The following MACROD2 variants were observed in gnomAD, a reference collection of about 807,000 sequenced individuals.
MACROD2 encodes mono-ADP ribosylhydrolase 2, also known as ADP-ribose glycohydrolase MACROD2.
In MACROD2, 36 loss-of-function variants were observed where a neutral mutation model predicts 70.4. The observed-to-expected ratio is 0.51, with a 90% confidence interval of 0.39 to 0.68. MACROD2 has a LOEUF of 0.68. MACROD2 is among the 30% of genes least tolerant of loss of function. MACROD2 has a pLI of 0.00. For synonymous variants in MACROD2, 172 were observed against 178.8 expected (o/e 0.96, Z 0.30); for missense variants, 496 against 538.4 (o/e 0.92, Z 0.78).
At chr20:14,532,465 C>T (rs1370730751) in intron 4 of MACROD2, among the ~76,000 whole-genome samples, 7 of 151,624 alleles carry the variant, frequency 4.6e-5, no homozygotes, top group African/African-American at 1.2e-4. Flanking sequence ...CCTCGTGATC[C>T]GCACGTCTCA....
intron 6 of MACROD2, among the ~76,000 whole-genome samples, chr20:15,272,407 G>T (rs900192520): frequency 1.3e-5 from 2 of 152,142 alleles, no homozygotes; most frequent in African/African-American, 4.8e-5. Context: ...TTTGTAAGAG[G>T]CTATTTCCTT....
chr20:14,136,802 T>G (rs982475679), intron 3 of MACROD2, among the ~76,000 whole-genome samples: 3 of 152,198 alleles, frequency 2.0e-5, no homozygotes, highest in African/African-American at 7.2e-5. Context: ...TTCTCTTCCC[T>G]TACACTATTT....
chr20:15,564,192 A>G (rs544266353), intron 8 of MACROD2, among the ~76,000 whole-genome samples: 1 of 152,328 alleles, frequency 6.6e-6, no homozygotes, highest in African/African-American at 2.4e-5. Flanking sequence ...TGGGGTAAGT[A>G]TATTAAAATC....
rs542367949 is a variant in MACROD2, at chr20:14,653,216, ATTT to A, written c.302-31609_302-31607del. Among the ~76,000 whole-genome samples the A allele has an allele frequency of 4.1e-3, 498 of 121,750 alleles. 6 individuals are homozygous for A. The highest frequency in any genetic ancestry group is 0.014 in the African/African-American group (458 of 31,740). The allele number at this position is 121,750 out of a possible 152,430, so 79.9% of individuals were successfully genotyped here. A position where few individuals can be genotyped will look rare whatever the true frequency, so the allele number is the denominator to read the frequency against. ...TAGGCATTCACCAACATGTACAGCA[ATTT>A]TTTTTTTTTTTTTTTTTGAGACGGA... On this transcript the variant is annotated intron_variant, in intron 4 of 17. Coordinates refer to ENST00000684519, the MANE Select transcript of MACROD2 (RefSeq NM_001351661.2).
At chr20:15,810,023 C>G (rs2063804741) in intron 8 of MACROD2, among the ~76,000 whole-genome samples, 1 of 132,066 alleles carries the variant, frequency 7.6e-6, no homozygotes, top group Admixed American at 7.9e-5. Context: ...CCTCCCCCCA[C>G]CCCACAACAG....
At chr20:14,798,929 G>A (rs943576506) in intron 5 of MACROD2, among the ~76,000 whole-genome samples, 4 of 151,516 alleles carry the variant, frequency 2.6e-5, no homozygotes, top group Non-Finnish European at 4.4e-5. Flanking sequence ...AATATAAATC[G>A]GGACAGATTT....
At chr20:14,858,829 T>C (rs538916898) in intron 5 of MACROD2, among the ~76,000 whole-genome samples, 5 of 152,134 alleles carry the variant, frequency 3.3e-5, no homozygotes, top group Non-Finnish European at 7.3e-5. Context: ...CATCTGTCTG[T>C]AAAATGGTGA....
intron 12 of MACROD2, among the ~76,000 whole-genome samples, chr20:15,949,929 T>G (rs1601195981): frequency 6.6e-6 from 1 of 152,190 alleles, no homozygotes; most frequent in African/African-American, 2.4e-5. Flanking sequence ...GTCTACAAAT[T>G]AAAATCATAA....
chr20:15,468,234 C>T (rs1196230117), intron 7 of MACROD2, among the ~76,000 whole-genome samples: 25 of 151,946 alleles, frequency 1.6e-4, no homozygotes. Flanking sequence ...TTCAAAAGTA[C>T]TTGTGCTGAG....
chr20:15,940,412 A>G (rs1053753031), intron 12 of MACROD2, among the ~76,000 whole-genome samples: 1 of 152,156 alleles, frequency 6.6e-6, no homozygotes, highest in Non-Finnish European at 1.5e-5. Context: ...CAATTTTAAG[A>G]TAATTTCTAC....
intron 5 of MACROD2, among the ~76,000 whole-genome samples, chr20:14,861,995 A>ATATATATATATTTATATATATT (rs1568838593): frequency 1.1e-4 from 3 of 28,546 alleles, no homozygotes; most frequent in African/African-American, 2.6e-4. Flanking sequence ...ATATATATTT[A>ATATATATATATTTATATATATT]TATATATATT....
chr20:15,045,719 G>GTTTTTTTTT (rs71335981), intron 5 of MACROD2, among the ~76,000 whole-genome samples: 16 of 73,378 alleles, frequency 2.2e-4, no homozygotes, highest in East Asian at 9.1e-4. Context: ...CCAGACCAGG[G>GTTTTTTTTT]TTTTTTTTTT....
At chr20:15,890,190 A>T (rs1476743448) in intron 10 of MACROD2, among the ~76,000 whole-genome samples, 1 of 152,190 alleles carries the variant, frequency 6.6e-6, no homozygotes, top group Non-Finnish European at 1.5e-5. Flanking sequence ...TTAGTACTTT[A>T]GGGGGTGCTT....
chr20:14,856,524 A>G (rs538752781), intron 5 of MACROD2, among the ~76,000 whole-genome samples: 1 of 152,232 alleles, frequency 6.6e-6, no homozygotes, highest in South Asian at 2.1e-4. Flanking sequence ...TTACAACCAT[A>G]AAATGAAAGT....
chr20:14,202,380 A>G (rs1363402243), intron 3 of MACROD2, among the ~76,000 whole-genome samples: 10 of 152,190 alleles, frequency 6.6e-5, no homozygotes, highest in Admixed American at 5.9e-4. Context: ...AGGAATTTGG[A>G]AATTTTATTA....
intron 6 of MACROD2, among the ~76,000 whole-genome samples, chr20:15,356,377 A>G (rs974400537): frequency 6.6e-6 from 1 of 152,242 alleles, no homozygotes; most frequent in African/African-American, 2.4e-5. Context: ...ATAATGTATC[A>G]AAATTTTATA....
intron 3 of MACROD2, among the ~76,000 whole-genome samples, chr20:14,217,053 A>C (rs1302049577): frequency 6.6e-6 from 1 of 152,040 alleles, no homozygotes; most frequent in Non-Finnish European, 1.5e-5. Context: ...GTTGAAGAGG[A>C]GTGGTGAGAG....
intron 3 of MACROD2, among the ~76,000 whole-genome samples, chr20:14,202,014 T>C (rs1490260863): frequency 6.6e-6 from 1 of 152,054 alleles, no homozygotes; most frequent in Non-Finnish European, 1.5e-5. Flanking sequence ...TGGACTATAA[T>C]ACTGAGACTC....
At chr20:14,923,104 G>T (rs1008326135) in intron 5 of MACROD2, among the ~76,000 whole-genome samples, 1 of 152,038 alleles carries the variant, frequency 6.6e-6, no homozygotes. Flanking sequence ...ACAGTTGATC[G>T]CTCCTCCCAC....
Sources: allele counts gnomAD v4.1 joint callset (sites outside exome capture counted in the v4.1 genomes callset), GRCh38; gene constraint gnomAD v4.1.1; transcripts MANE v1.5; gene names NCBI Gene and HGNC (gene_info 2026-07-23, HGNC 2026-07-21).